ARHGEF28: variants seen among roughly 807,000 people sequenced by gnomAD.
ARHGEF28 encodes 190 kDa guanine nucleotide exchange factor.
Under a neutral mutation model 206.6 loss-of-function variants are expected in ARHGEF28, and 152 were observed. That is an observed-to-expected ratio of 0.74 (90% confidence interval 0.64 to 0.84). The LOEUF is 0.84. Among genes scored for constraint, ARHGEF28 ranks in the 40% least tolerant of loss-of-function variants. The pLI is 0.00. For missense variants in ARHGEF28, 2,028 were observed against 2,073.2 expected, an observed-to-expected ratio of 0.98 and a Z score of 0.42; for synonymous variants, 763 against 776.4, an observed-to-expected ratio of 0.98 and a Z score of 0.29.
intron 9 of ARHGEF28, among the ~76,000 whole-genome samples, chr5:73,796,126 A>G (rs1374343228): frequency 6.6e-6 from 1 of 152,200 alleles, no homozygotes; most frequent in Non-Finnish European, 1.5e-5. Context: ...AGGTGAATAG[A>G]GCATAATGAA....
chr5:73,668,658 G>A (rs970427873), intron 1 of ARHGEF28, among the ~76,000 whole-genome samples: 3 of 152,192 alleles, frequency 2.0e-5, no homozygotes, highest in Non-Finnish European at 4.4e-5. Flanking sequence ...AGCCCTGGAA[G>A]TGGTTATAGC....
intron 2 of ARHGEF28, among the ~76,000 whole-genome samples, chr5:73,694,461 TG>T (rs375828215): frequency 3.3e-4 from 51 of 152,358 alleles, no homozygotes; most frequent in African/African-American, 1.1e-3. Context: ...CCGATATTTT[TG>T]TTCTGTTTGA....
At chr5:73,743,026 T>C (rs1046899944) in intron 2 of ARHGEF28, among the ~76,000 whole-genome samples, 2 of 152,164 alleles carry the variant, frequency 1.3e-5, no homozygotes, top group Non-Finnish European at 1.5e-5. Context: ...TTTTGTAAAA[T>C]TGTTTGTATA....
chr5:73,822,798 CA>C (rs1405173837), intron 9 of ARHGEF28, among the ~76,000 whole-genome samples: 1 of 152,070 alleles, frequency 6.6e-6, no homozygotes, highest in African/African-American at 2.4e-5. Context: ...TAATTTGTTT[CA>C]TTTTTTTTGT....
rs373843429 is a variant in ARHGEF28 at position 73,846,405 on chromosome 5, C to G, written c.1565C>G (p.Thr522Ser). Reference protein sequence around the residue: ...PSGDELDSFETNTEPDFNISR... With the variant: ...PSGDELDSFESNTEPDFNISR... Reference sequence around the variant, plus strand: ...GGGGATGAATTGGACTCTTTTGAGACTAACACTGAACCGGATTTTAATATC... The same window carrying G: ...GGGGATGAATTGGACTCTTTTGAGAGTAACACTGAACCGGATTTTAATATC... Residue 522 changes from threonine (T) to serine (S), a missense_variant, in exon 12 of 36, where the codon ACT becomes AGT. Physicochemically the swap from Thr to Ser is moderately conservative, Grantham distance 58. Around this residue, in one of 3 missense-constraint regions of ARHGEF28, gnomAD observed 1,002 missense variants for 1,015.3 expected, o/e 0.99. Transcript: ENST00000513042. 17 of 1,613,850 alleles carry G rather than the reference C, an allele frequency of 1.1e-5. No homozygotes were observed. Among genetic ancestry groups the G allele is most frequent in the African/African-American group, 1.3e-5 (1 of 74,926 alleles).
chr5:73,896,144 G>A (rs1319125603), intron 29 of ARHGEF28, among the ~76,000 whole-genome samples: 1 of 152,198 alleles, frequency 6.6e-6, no homozygotes, highest in East Asian at 1.9e-4. Flanking sequence ...ATGGGATTGT[G>A]GTAAGATGAA....
chr5:73,804,305 T>A (rs1008061069), intron 9 of ARHGEF28, among the ~76,000 whole-genome samples: 1 of 151,658 alleles, frequency 6.6e-6, no homozygotes, highest in Non-Finnish European at 1.5e-5. Flanking sequence ...GGAGACACTG[T>A]TTTTTTTCCT....
chr5:73,810,047 G>A (rs1272340373), intron 9 of ARHGEF28, among the ~76,000 whole-genome samples: 1 of 150,328 alleles, frequency 6.7e-6, no homozygotes, highest in Non-Finnish European at 1.5e-5. Flanking sequence ...TAGAAAACAA[G>A]GAGGATAAAT....
At chr5:73,639,157 C>A (rs1277342592) in intron 1 of ARHGEF28, among the ~76,000 whole-genome samples, 1 of 151,030 alleles carries the variant, frequency 6.6e-6, no homozygotes, top group Non-Finnish European at 1.5e-5. Context: ...TGTCTTAAGG[C>A]CAAACTTACA....
intron 6 of ARHGEF28, chr5:73,780,306 T>G: frequency 4.7e-6 from 1 of 214,792 alleles, no homozygotes; most frequent in Non-Finnish European, 9.5e-6. Flanking sequence ...TGTCTTAGGA[T>G]GTGGATTTGG....
chr5:73,789,448 G>A (rs983661494), intron 7 of ARHGEF28, among the ~76,000 whole-genome samples: 4 of 152,194 alleles, frequency 2.6e-5, no homozygotes, highest in East Asian at 1.9e-4. Context: ...AATGCGTGTG[G>A]GGTTTTCTCA....
At position 73,630,876 on chromosome 5, in the gene ARHGEF28, G is replaced by A. The variant is rs77530522; in HGVS notation, c.-12+4554G>A. Among the ~76,000 whole-genome samples, 597 of 152,352 alleles carry A rather than the reference G, an allele frequency of 3.9e-3. 2 individuals carry two copies. The highest frequency in any genetic ancestry group is 0.014 in the African/African-American group (565 of 41,584). On this transcript the variant is annotated intron_variant, in intron 1 of 35. Transcript: ENST00000513042. Reference sequence around the variant, plus strand: ...TGGTCAACACTACTGGAAAGGTACTGTCTAAAAGGTTAGCATTGTGCCTGC... The same window carrying A: ...TGGTCAACACTACTGGAAAGGTACTATCTAAAAGGTTAGCATTGTGCCTGC...
chr5:73,665,132 T>C (rs1449239959), intron 1 of ARHGEF28, among the ~76,000 whole-genome samples: 1 of 152,190 alleles, frequency 6.6e-6, no homozygotes, highest in Non-Finnish European at 1.5e-5. Flanking sequence ...TTTCCCTGAC[T>C]TTGATCTTTC....
intron 5 of ARHGEF28, among the ~76,000 whole-genome samples, chr5:73,775,732 A>T (rs1753504476): frequency 6.6e-6 from 1 of 152,102 alleles, no homozygotes. Context: ...GAACATTAAT[A>T]TTTCCCCTTG....
chr5:73,863,335 A>G (rs1759511398), intron 16 of ARHGEF28: 1 of 151,964 alleles, frequency 6.6e-6, no homozygotes, highest in South Asian at 2.1e-4. Flanking sequence ...CTTCTGATCT[A>G]ATTTTTCTGA....
intron 2 of ARHGEF28, among the ~76,000 whole-genome samples, chr5:73,690,763 C>T (rs1286389793): frequency 6.6e-6 from 1 of 152,074 alleles, no homozygotes; most frequent in East Asian, 1.9e-4. Flanking sequence ...CAGTTTAGTG[C>T]TGTGAATAAA....
rs1056283171 is a variant in ARHGEF28, at chr5:73,715,446, C to T, written c.33+30562C>T. On this transcript the variant is annotated intron_variant, in intron 2 of 35. Coordinates refer to ENST00000513042, the MANE Select transcript of ARHGEF28 (RefSeq NM_001177693.2). Reference sequence around the variant, plus strand: ...GACCAAGAGAGGAAATGTCCACTTCCGTATTATAAGGTAGGGTCTCTTCTG... The same window carrying T: ...GACCAAGAGAGGAAATGTCCACTTCTGTATTATAAGGTAGGGTCTCTTCTG... Among the ~76,000 whole-genome samples the T allele has an allele frequency of 7.9e-5, 12 of 152,032 alleles. No individual in the cohort carries two copies. The East Asian group carries it at 1.4e-3, about 17-fold the overall frequency.
intron 1 of ARHGEF28, among the ~76,000 whole-genome samples, chr5:73,663,584 G>A (rs1371219516): frequency 3.3e-5 from 5 of 152,092 alleles, no homozygotes; most frequent in Non-Finnish European, 5.9e-5. Context: ...TGTAAGCTCC[G>A]AGCATTGTGC....
At chr5:73,632,415 A>C (rs549588006) in intron 1 of ARHGEF28, among the ~76,000 whole-genome samples, 3 of 152,208 alleles carry the variant, frequency 2.0e-5, no homozygotes, top group Admixed American at 6.5e-5. Flanking sequence ...ATTCCCCTGC[A>C]TGGCCTATCT....
Sources: allele counts gnomAD v4.1 joint callset (sites outside exome capture counted in the v4.1 genomes callset), GRCh38; gene constraint gnomAD v4.1.1; regional missense constraint gnomAD v4.1.1; transcripts MANE v1.5; gene names NCBI Gene and HGNC (gene_info 2026-07-23, HGNC 2026-07-21).